PIBF1: variants seen among roughly 807,000 people sequenced by gnomAD.
PIBF1 encodes progesterone-induced-blocking factor 1.
A neutral mutation model predicts 112.5 loss-of-function variants in PIBF1; 90 were observed. That is an observed-to-expected ratio of 0.80 (90% CI 0.67 to 0.95). The LOEUF is 0.95. Ranked by LOEUF, PIBF1 falls within the 40% of genes least tolerant of loss-of-function variation. The pLI is 0.00. For synonymous variants in PIBF1, 301 were observed against 288.6 expected (o/e 1.04, Z -0.44); for missense variants, 915 against 852.3 (o/e 1.07, Z -0.92).
chr13:72,844,789 A>ACACACACACACACACACACACACACG lies in PIBF1; in HGVS notation c.1224-9257_1224-9256insACACACACACACACGCACACACACAC, dbSNP rs1594035467. On this transcript the variant is annotated intron_variant, in intron 9 of 17. Transcript: ENST00000326291. ...CACACACACACACACACACACACAC[A>ACACACACACACACACACACACACACG]CACACACACACGGATGAAGTCTTAC... is the stretch of plus-strand genomic sequence containing the variant. 1.4e-4 allele frequency among the ~76,000 whole-genome samples: 17 copies of ACACACACACACACACACACACACACG among 119,620 alleles called. 2 individuals are homozygous for ACACACACACACACACACACACACACG. Among genetic ancestry groups the ACACACACACACACACACACACACACG allele is most frequent in the African/African-American group, 5.3e-4 (14 of 26,312 alleles). 78.5% of individuals were successfully genotyped at this position (119,620 alleles called of 152,430 possible).
intron 16 of PIBF1, among the ~76,000 whole-genome samples, chr13:72,992,598 A>C (rs900622015): frequency 6.6e-6 from 1 of 152,200 alleles, no homozygotes; most frequent in Non-Finnish European, 1.5e-5. Flanking sequence ...GTTTGAGACC[A>C]GCCTGCGCAA....
chr13:72,878,426 A>G (rs1237137341), intron 10 of PIBF1, among the ~76,000 whole-genome samples: 1 of 152,134 alleles, frequency 6.6e-6, no homozygotes, highest in Non-Finnish European at 1.5e-5. Context: ...TTTAATATCC[A>G]CATATTTTAG....
chr13:72,875,287 G>A (rs955734852), intron 10 of PIBF1, among the ~76,000 whole-genome samples: 1 of 152,122 alleles, frequency 6.6e-6, no homozygotes, highest in Non-Finnish European at 1.5e-5. Context: ...GTGTATCACA[G>A]TTCATCTGTT....
At chr13:72,795,262 G>A (rs2035132882) in intron 3 of PIBF1, 97 bp from the exon 4 acceptor site, 3 of 750,004 alleles carry the variant, frequency 4.0e-6, no homozygotes, top group Admixed American at 3.0e-5. Context: ...TCAGGTTTCT[G>A]ATTTCCTAAC....
At position 72,888,724 on chromosome 13, in the gene PIBF1, C is replaced by T. The variant is rs557254397; in HGVS notation, c.1323-5060C>T. On this transcript the variant is annotated intron_variant, in intron 10 of 17. Transcript: ENST00000326291. ...AAAAAACGGATCCCAAGACAGTCTACATGAAAAAAGGAAGTTACAGAGAAG... is the reference window on the plus strand; with the variant it reads ...AAAAAACGGATCCCAAGACAGTCTATATGAAAAAAGGAAGTTACAGAGAAG... Among the ~76,000 whole-genome samples the T allele has an allele frequency of 1.9e-4, 28 of 149,664 alleles. No individual in the cohort carries two copies. The South Asian group carries it at 5.9e-3, about 32-fold the overall frequency.
chr13:72,931,718 G>GTGTA (rs1555317840), intron 14 of PIBF1, among the ~76,000 whole-genome samples: 8 of 101,978 alleles, frequency 7.8e-5, no homozygotes, highest in African/African-American at 2.8e-4. Context: ...TTTAAACTAC[G>GTGTA]TATATATATA....
chr13:72,963,983 T>C (rs538322900), intron 14 of PIBF1, among the ~76,000 whole-genome samples: 1 of 152,316 alleles, frequency 6.6e-6, no homozygotes, highest in South Asian at 2.1e-4. Flanking sequence ...CACTTCTAGG[T>C]AGCTACCCAA....
At chr13:72,904,429 A>ATTTTTTTTTTTTTTTTTTTTTTT (rs1240090172) in intron 11 of PIBF1, among the ~76,000 whole-genome samples, 3 of 51,090 alleles carry the variant, frequency 5.9e-5, no homozygotes, top group Non-Finnish European at 1.1e-4. Flanking sequence ...ATATCAAAAT[A>ATTTTTTTTTTTTTTTTTTTTTTT]TTTCTTTTTT....
chr13:73,015,173 G>C (rs115621769), intron 17 of PIBF1, among the ~76,000 whole-genome samples: 2 of 151,602 alleles, frequency 1.3e-5, no homozygotes, highest in Non-Finnish European at 2.9e-5. Context: ...TTTTCTTTTC[G>C]TGGAGATGGG....
intron 10 of PIBF1, among the ~76,000 whole-genome samples, chr13:72,858,399 C>T (rs1036474535): frequency 5.3e-5 from 8 of 152,144 alleles, no homozygotes; most frequent in African/African-American, 1.9e-4. Flanking sequence ...CGTTATCCTG[C>T]AGGTATACTT....
chr13:72,827,130 A>G lies in PIBF1; in HGVS notation c.915+12A>G, dbSNP rs1393127154. On this transcript the variant is annotated intron_variant, in intron 7 of 17. Coordinates refer to ENST00000326291, the MANE Select transcript of PIBF1 (RefSeq NM_006346.4). The stretch of plus-strand genomic sequence containing the variant: ...AATTATCAAAAGAGGTAAGCTTATA[A>G]TTAGAGTCACTTATATTATATAGCA... 2 of 1,395,268 alleles carry G rather than the reference A, an allele frequency of 1.4e-6. No homozygotes were observed. The highest frequency in any genetic ancestry group is 2.0e-6 in the Non-Finnish European group (2 of 999,926). The allele number at this position is 1,395,268 out of a possible 1,614,324, so 86.4% of individuals were successfully genotyped here. A position where few individuals can be genotyped will look rare whatever the true frequency, so the allele number is the denominator to read the frequency against.
At chr13:72,784,493 T>C (rs1372375401) in intron 2 of PIBF1, among the ~76,000 whole-genome samples, 3 of 151,028 alleles carry the variant, frequency 2.0e-5, no homozygotes, top group Non-Finnish European at 4.4e-5. Context: ...GTGCGGTGGC[T>C]CACACCTGTA....
In PIBF1 at chr13:72,902,381, G is replaced by A. The variant is rs565565166; in HGVS notation, c.1489-6150G>A. On this transcript the variant is annotated intron_variant, in intron 11 of 17. Coordinates refer to ENST00000326291, the MANE Select transcript of PIBF1 (RefSeq NM_006346.4). ...TACCACCTGTACCCCAATAACTTAC[G>A]GAAAAATAATTAATAAATAAGGGCT... Among the ~76,000 whole-genome samples the A allele has an allele frequency of 6.0e-5, 9 of 150,224 alleles. No individual in the cohort carries two copies. The South Asian group carries it at 8.4e-4, about 14-fold the overall frequency.
chr13:72,980,812 A>C (rs1358309095), intron 16 of PIBF1, among the ~76,000 whole-genome samples: 1 of 151,992 alleles, frequency 6.6e-6, no homozygotes, highest in Admixed American at 6.6e-5. Context: ...TCTCCAAAAA[A>C]AAAAAAGAAA....
At chr13:72,842,418 A>G (rs1484109124) in intron 9 of PIBF1, among the ~76,000 whole-genome samples, 1 of 152,208 alleles carries the variant, frequency 6.6e-6, no homozygotes, top group Non-Finnish European at 1.5e-5. Flanking sequence ...TAAGTGCAAC[A>G]ATTAGTATTG....
chr13:72,962,493 G>A (rs767000650), intron 14 of PIBF1, among the ~76,000 whole-genome samples: 2 of 151,958 alleles, frequency 1.3e-5, no homozygotes, highest in Non-Finnish European at 2.9e-5. Context: ...CAGCTACTCA[G>A]GAGGCTGAGG....
intron 2 of PIBF1, among the ~76,000 whole-genome samples, chr13:72,789,767 G>A (rs1437970633): frequency 1.3e-5 from 2 of 151,694 alleles, no homozygotes; most frequent in Non-Finnish European, 2.9e-5. Flanking sequence ...GACCAGTTGA[G>A]CATCCCAGAT....
chr13:72,962,596 CAA>C (rs56918554), intron 14 of PIBF1, among the ~76,000 whole-genome samples: 23 of 132,892 alleles, frequency 1.7e-4, no homozygotes, highest in Admixed American at 2.3e-4. Flanking sequence ...GTCCCTGTCT[CAA>C]AAAAAAAAAA....
chr13:72,986,955 T>A (rs1408322114), intron 16 of PIBF1, among the ~76,000 whole-genome samples: 1 of 151,586 alleles, frequency 6.6e-6, no homozygotes, highest in Non-Finnish European at 1.5e-5. Flanking sequence ...CCTCCCAAAG[T>A]GCTGGGATTA....
Sources: allele counts gnomAD v4.1 joint callset (sites outside exome capture counted in the v4.1 genomes callset), GRCh38; gene constraint gnomAD v4.1.1; transcripts MANE v1.5; gene names NCBI Gene and HGNC (gene_info 2026-07-23, HGNC 2026-07-21).